The following IGSF10 variants were observed in gnomAD, a reference collection of about 807,000 sequenced individuals.
IGSF10 encodes the protein calvaria mechanical force protein 608.
Under a neutral mutation model 128.2 loss-of-function variants are expected in IGSF10, and 126 were observed. That is an observed-to-expected ratio of 0.98 (90% CI 0.85 to 1.14). The LOEUF is 1.14. Among genes scored for constraint, IGSF10 ranks in the 50% most tolerant of loss-of-function variants. IGSF10 has a pLI of 0.00. For missense variants in IGSF10, 3,295 were observed against 3,149.8 expected (o/e 1.05, Z -1.10); for synonymous variants, 1,185 against 1,146.2 (o/e 1.03, Z -0.68).
intron 4 of IGSF10, among the ~76,000 whole-genome samples, chr3:151,455,102 CT>C (rs1360082740): frequency 6.6e-6 from 1 of 151,046 alleles, no homozygotes; most frequent in African/African-American, 2.4e-5. Context: ...AATAAAGTTT[CT>C]TTTTTGCGTT....
the IGSF10 span, among the ~76,000 whole-genome samples, chr3:151,467,911 A>G: frequency 9.2e-5 from 14 of 152,250 alleles, no homozygotes; most frequent in African/African-American, 3.4e-4. Context: ...AAAAAAGAAA[A>G]AAAGAAAGAA....
In IGSF10 at chr3:151,438,476, T is replaced by C. The variant is rs746712810; in HGVS notation, c.6085A>G (p.Met2029Val). 1.9e-6 allele frequency: 3 copies of C among 1,614,028 alleles called. No homozygotes were observed. In the African/African-American group the frequency reaches 4.0e-5, roughly 22 times the overall value. ...GGTTTCAGTCTTAGGCTAACATGCA[T>C]CAGTATCAGATCATCCCCCATTTTG... ...RNKMGDDLIL[M>V]HVSLRLKPAK... Residue 2029 changes from methionine (M) to valine (V), a missense_variant, in exon 8 of 8, where the codon ATG becomes GTG. Met to Val is a conservative substitution (Grantham distance 21). Coordinates refer to ENST00000282466, the MANE Select transcript of IGSF10 (RefSeq NM_178822.5).
At chr3:151,462,287 A>G (rs1722090705), upstream of IGSF10, among the ~76,000 whole-genome samples, 1 of 152,178 alleles carries the variant, frequency 6.6e-6, no homozygotes, top group South Asian at 2.1e-4. Flanking sequence ...CATCAGCATT[A>G]CTTTGGACTT....
At chr3:151,519,187 T>C in the IGSF10 span, among the ~76,000 whole-genome samples, 2 of 151,898 alleles carry the variant, frequency 1.3e-5, no homozygotes, top group Non-Finnish European at 2.9e-5. Context: ...CATTTGTTTC[T>C]TGTTCATGTG....
At chr3:151,565,181 G>T in the IGSF10 span, among the ~76,000 whole-genome samples, 1 of 152,126 alleles carries the variant, frequency 6.6e-6, no homozygotes. Flanking sequence ...TTTGACAATT[G>T]CTGTGTGAAT....
the IGSF10 span, among the ~76,000 whole-genome samples, chr3:151,552,744 A>G: frequency 6.6e-6 from 1 of 152,214 alleles, no homozygotes; most frequent in Admixed American, 6.5e-5. Context: ...TAAACTATAA[A>G]TGAAATACCT....
chr3:151,612,743 A>C, the IGSF10 span, among the ~76,000 whole-genome samples: 2 of 152,220 alleles, frequency 1.3e-5, no homozygotes, highest in Non-Finnish European at 2.9e-5. Context: ...AAGACCAAAA[A>C]TTCTCAATGA....
the IGSF10 span, among the ~76,000 whole-genome samples, chr3:151,484,094 G>A: frequency 6.6e-6 from 1 of 152,208 alleles, no homozygotes; most frequent in Non-Finnish European, 1.5e-5. Flanking sequence ...GCTCAACCTG[G>A]AATGCTCAAG....
At chr3:151,528,474 G>C in the IGSF10 span, among the ~76,000 whole-genome samples, 4 of 152,194 alleles carry the variant, frequency 2.6e-5, no homozygotes, top group Admixed American at 2.6e-4. Flanking sequence ...GCAGAAGGCA[G>C]GTGATTTCTG....
At chr3:151,553,982 A>AAC in the IGSF10 span, among the ~76,000 whole-genome samples, 1 of 151,526 alleles carries the variant, frequency 6.6e-6, no homozygotes, top group East Asian at 1.9e-4. Flanking sequence ...ACAAAAAAAA[A>AAC]ACAAAAGAAA....
At chr3:151,615,355 A>G in the IGSF10 span, among the ~76,000 whole-genome samples, 1 of 152,134 alleles carries the variant, frequency 6.6e-6, no homozygotes, top group Non-Finnish European at 1.5e-5. Context: ...ATTTCACCAT[A>G]TAAATACAGA....
the IGSF10 span, among the ~76,000 whole-genome samples, chr3:151,482,818 A>G: frequency 5.9e-5 from 9 of 152,332 alleles, no homozygotes; most frequent in African/African-American, 2.2e-4. Flanking sequence ...CATCATAGAT[A>G]AGAGAACCTT....
At chr3:151,615,739 TAAGGGAGTGATTA>T in the IGSF10 span, among the ~76,000 whole-genome samples, 5 of 152,242 alleles carry the variant, frequency 3.3e-5, no homozygotes, top group African/African-American at 1.2e-4. Flanking sequence ...AATAGAGCTT[TAAGGGAGTGATTA>T]AAATAGCATA....
upstream of IGSF10, among the ~76,000 whole-genome samples, chr3:151,466,018 A>G (rs1195273361): frequency 1.3e-5 from 2 of 152,134 alleles, no homozygotes; most frequent in Non-Finnish European, 2.9e-5. Context: ...ATTTCTGTAT[A>G]TCATTTTCCT....
At chr3:151,600,760 T>C in the IGSF10 span, among the ~76,000 whole-genome samples, 2 of 152,146 alleles carry the variant, frequency 1.3e-5, no homozygotes, top group African/African-American at 4.8e-5. Flanking sequence ...TTTGTCAAAA[T>C]GATATAATAG....
At chr3:151,533,949 A>T in the IGSF10 span, among the ~76,000 whole-genome samples, 2 of 152,206 alleles carry the variant, frequency 1.3e-5, no homozygotes, top group African/African-American at 4.8e-5. Flanking sequence ...AACTTAAACA[A>T]ATTTACAAGA....
In IGSF10 at chr3:151,460,220, A is replaced by G. The variant is rs1285690468; in HGVS notation, c.-2+41T>C. The stretch of plus-strand genomic sequence containing the variant: ...ATGAATAAGGGATTCTCACAAACGT[A>G]AGGCTGAAAATGTACATAATGAAAT... On this transcript the variant is annotated intron_variant, in intron 2 of 7. Transcript: ENST00000282466. 2.1e-5 allele frequency: 12 copies of G among 570,240 alleles called. 1 individual carries two copies. The highest frequency in any genetic ancestry group is 2.0e-4 in the African/African-American group (10 of 48,982). The allele number at this position is 570,240 out of a possible 1,614,324, so 35.3% of individuals were successfully genotyped here. A position where few individuals can be genotyped will look rare whatever the true frequency, so the allele number is the denominator to read the frequency against.
the IGSF10 span, among the ~76,000 whole-genome samples, chr3:151,596,951 T>A: frequency 6.6e-6 from 1 of 151,908 alleles, no homozygotes; most frequent in Non-Finnish European, 1.5e-5. Context: ...TTCCACACTC[T>A]GCCAGTAGTT....
chr3:151,556,598 G>C, the IGSF10 span, among the ~76,000 whole-genome samples: 1 of 152,108 alleles, frequency 6.6e-6, no homozygotes, highest in Non-Finnish European at 1.5e-5. Context: ...GAGAGAGAGA[G>C]AGAAAGGAGC....
Sources: allele counts gnomAD v4.1 joint callset (sites outside exome capture counted in the v4.1 genomes callset), GRCh38; gene constraint gnomAD v4.1.1; transcripts MANE v1.5; gene names NCBI Gene and HGNC (gene_info 2026-07-23, HGNC 2026-07-21).